Variants in COPA observed in about 807,000 individuals in gnomAD.
The protein encoded by COPA is coat protein complex I subunit alpha, also known as coatomer subunit alpha.
COPA carries 10 observed loss-of-function variants against 158.7 expected under a neutral mutation model. The ratio of observed to expected loss-of-function variants is 0.06; its 90% CI spans 0.04 to 0.11. The LOEUF (loss-of-function observed/expected upper bound fraction) is 0.11, where lower values mean the gene tolerates loss of function less well. Ranked by LOEUF, COPA falls within the 10% of genes least tolerant of loss-of-function variation. COPA has a pLI of 1.00. For synonymous variants in COPA, 462 were observed against 542.8 expected, an observed-to-expected ratio of 0.85 and a Z score of 2.07; for missense variants, 1,065 against 1,536.7, an observed-to-expected ratio of 0.69 and a Z score of 5.13.
At chr1:160,319,063 TCTC>T (rs1571170384) in intron 8 of COPA, among the ~76,000 whole-genome samples, 1 of 151,658 alleles carries the variant, frequency 6.6e-6, no homozygotes, top group Non-Finnish European at 1.5e-5. Flanking sequence ...ATGTAAATGC[TCTC>T]AATTCTTCAA....
Position 160,318,641 on chromosome 1 carries a change from A to C in COPA, c.707-4516T>G, listed in dbSNP as rs1032981689. Reference sequence around the variant, plus strand: ...CACTTATAACTTTACTATGAAGCCCAAAAGACAAATATATCAAAAGCAATA... The same window carrying C: ...CACTTATAACTTTACTATGAAGCCCCAAAGACAAATATATCAAAAGCAATA... On this transcript the variant is annotated intron_variant, in intron 8 of 32. Transcript: ENST00000241704. Among the ~76,000 whole-genome samples, 5 of 152,116 alleles carry C rather than the reference A, an allele frequency of 3.3e-5. No homozygotes were observed. The South Asian group carries it at 1.0e-3, about 32-fold the overall frequency.
Position 160,289,279 on chromosome 1 carries a change from A to T in COPA, c.*878T>A, listed in dbSNP as rs1213386344. 6.6e-6 allele frequency: 1 copy of T among 152,206 alleles called. No individual in the cohort carries two copies. The highest frequency in any genetic ancestry group is 1.5e-5 in the Non-Finnish European group (1 of 68,044). 9.4% of individuals were successfully genotyped at this position (152,206 alleles called of 1,614,324 possible). A position where few individuals can be genotyped will look rare whatever the true frequency, so the allele number is the denominator to read the frequency against. On this transcript the variant is annotated 3_prime_UTR_variant, in exon 33 of 33. Transcript: ENST00000241704. ...CAAGAAATAAATGGCCAAGTCAAGA[A>T]GCTCTCATAGAGATTTATTTAGTGT...
At chr1:160,302,394 T>C (rs1480383588) in intron 17 of COPA, among the ~76,000 whole-genome samples, 1 of 152,014 alleles carries the variant, frequency 6.6e-6, no homozygotes, top group Admixed American at 6.6e-5. Flanking sequence ...TCAGAAGACC[T>C]AAATGAATGA....
At chr1:160,304,313 C>A (rs562327723) in intron 17 of COPA, among the ~76,000 whole-genome samples, 16 of 151,664 alleles carry the variant, frequency 1.1e-4, no homozygotes, top group Admixed American at 4.6e-4. Context: ...CACGCCCAAC[C>A]CAAAAGGAAA....
In COPA at chr1:160,310,210, A is replaced by G. The variant is rs768053308; in HGVS notation, c.1125T>C (p.Asn375=). ...TACTTACTGTACAAAGCAGGACTGC[A>G]TTTTCTGCTGGATTGTATGACATAT... ...VFNMSYNPAE[N]AVLLCTRASN... is the part of the protein sequence containing the mutation. Residue 375 remains asparagine, a synonymous_variant, in exon 12 of 33, where the codon AAT becomes AAC. Transcript: ENST00000241704. 2 of 1,600,978 alleles carry G rather than the reference A, an allele frequency of 1.2e-6. No individual in the cohort carries two copies. Among genetic ancestry groups the G allele is most frequent in the South Asian group, 2.2e-5 (2 of 88,970 alleles).
chr1:160,336,685 G>T (rs1215864374), intron 3 of COPA, among the ~76,000 whole-genome samples: 2 of 152,086 alleles, frequency 1.3e-5, no homozygotes, highest in African/African-American at 4.8e-5. Flanking sequence ...AAAAATAAGA[G>T]ACCAGATGCA....
intron 25 of COPA, among the ~76,000 whole-genome samples, chr1:160,293,800 T>G (rs1658318319): frequency 6.6e-6 from 1 of 152,050 alleles, no homozygotes; most frequent in Non-Finnish European, 1.5e-5. Context: ...CCAGCCAAAT[T>G]GAGTAATTTT....
chr1:160,300,936 C>T (rs189837989), intron 17 of COPA, among the ~76,000 whole-genome samples: 74 of 152,188 alleles, frequency 4.9e-4, no homozygotes, highest in African/African-American at 1.2e-3. Context: ...CTGAACAACA[C>T]GGCAAAACCT....
At chr1:160,325,749 GA>G (rs1194403350) in intron 6 of COPA, 97 bp from the exon 7 acceptor site, 8 of 869,740 alleles carry the variant, frequency 9.2e-6, no homozygotes, top group Non-Finnish European at 1.5e-5. Context: ...AAAAAGAAAA[GA>G]AAAAGAAATG....
intron 1 of COPA, among the ~76,000 whole-genome samples, chr1:160,342,690 T>G (rs1009691493): frequency 2.6e-5 from 4 of 152,148 alleles, no homozygotes; most frequent in African/African-American, 9.7e-5. Flanking sequence ...CAAGGCCTCC[T>G]TAAGTGAGGT....
intron 17 of COPA, among the ~76,000 whole-genome samples, chr1:160,304,628 C>T (rs1210770122): frequency 6.6e-6 from 1 of 151,952 alleles, no homozygotes; most frequent in African/African-American, 2.4e-5. Context: ...CACACCACTG[C>T]ACTCCAGCCT....
intron 8 of COPA, among the ~76,000 whole-genome samples, chr1:160,318,980 A>C (rs185507928): frequency 2.0e-5 from 3 of 152,276 alleles, no homozygotes; most frequent in Admixed American, 6.5e-5. Flanking sequence ...AGCCTCAAAA[A>C]AAAACAAAAC....
At chr1:160,308,155 C>A (rs1351023017) in intron 13 of COPA, among the ~76,000 whole-genome samples, 2 of 147,866 alleles carry the variant, frequency 1.4e-5, no homozygotes, top group East Asian at 2.0e-4. Context: ...ATTTTAAATT[C>A]TATTAATTGT....
intron 30 of COPA, 113 bp downstream of exon 30, chr1:160,291,706 C>G: frequency 8.3e-7 from 1 of 1,205,806 alleles, no homozygotes; most frequent in Non-Finnish European, 1.2e-6. Context: ...AATGAAGGGC[C>G]TAAATTTCTC....
rs376078788 is a variant in COPA at position 160,313,180 on chromosome 1, C to G, written c.843-13G>C. On this transcript the variant is annotated splice_polypyrimidine_tract_variant and intron_variant, in intron 9 of 32. Transcript: ENST00000241704. Reference sequence around the variant, plus strand: ...CTGAACCCCAGTCCTAGAAAAGGTACACAAAAAGAAAAACATTAATTTCCT... The same window carrying G: ...CTGAACCCCAGTCCTAGAAAAGGTAGACAAAAAGAAAAACATTAATTTCCT... 6.2e-7 allele frequency: 1 copy of G among 1,611,198 alleles called. No individual in the cohort carries two copies. Among genetic ancestry groups the G allele is most frequent in the Admixed American group, 1.7e-5 (1 of 59,844 alleles).
intron 6 of COPA, among the ~76,000 whole-genome samples, chr1:160,331,158 C>T (rs189491209): frequency 3.3e-5 from 5 of 152,244 alleles, no homozygotes; most frequent in East Asian, 3.9e-4. Context: ...CAACATGAAG[C>T]GCTTCCATAG....
intron 17 of COPA, among the ~76,000 whole-genome samples, chr1:160,302,345 C>T (rs939425984): frequency 6.6e-6 from 1 of 151,970 alleles, no homozygotes; most frequent in Non-Finnish European, 1.5e-5. Context: ...AATGCAAGAT[C>T]TCTATAGAGA....
rs1571147079 is a variant in COPA at position 160,291,500 on chromosome 1, G to A, written c.3259-4C>T. ...AGTGGGTGAAATAGGCTGCCATCTG[G>A]TGGACAGAAAAAGGAACACATGCCA... On this transcript the variant is annotated splice_region_variant and splice_polypyrimidine_tract_variant and intron_variant, in intron 30 of 32. Transcript: ENST00000241704. 7.4e-6 allele frequency: 12 copies of A among 1,612,100 alleles called. No homozygotes were observed. The highest frequency in any genetic ancestry group is 6.7e-5 in the East Asian group (3 of 44,806).
chr1:160,294,413 G>C lies in COPA; in HGVS notation c.2676+71C>G, dbSNP rs537625727. 1.3e-3 allele frequency: 1,772 copies of C among 1,315,626 alleles called. 4 individuals carry two copies. Among genetic ancestry groups the C allele is most frequent in the Non-Finnish European group, 1.7e-3 (1,533 of 910,128 alleles). The allele number at this position is 1,315,626 out of a possible 1,614,324, so 81.5% of individuals were successfully genotyped here. A position where few individuals can be genotyped will look rare whatever the true frequency, so the allele number is the denominator to read the frequency against. On this transcript the variant is annotated intron_variant, in intron 25 of 32. Transcript: ENST00000241704. ...ATAGGAGACCTGAGGATAGTGGTAG[G>C]GGACAATAAGGCCTCTGGCTTCCAC...
Sources: allele counts gnomAD v4.1 joint callset (sites outside exome capture counted in the v4.1 genomes callset), GRCh38; gene constraint gnomAD v4.1.1; transcripts MANE v1.5; gene names NCBI Gene and HGNC (gene_info 2026-07-23, HGNC 2026-07-21).